Variants in DTWD2 observed in about 807,000 individuals in gnomAD.
The protein encoded by DTWD2 is DTW motif tRNA-uridine aminocarboxypropyltransferase 2.
DTWD2 carries 39 observed loss-of-function variants against 31.8 expected under a neutral mutation model. That is an observed-to-expected ratio of 1.22 (90% CI 0.95 to 1.60). The LOEUF is 1.60. DTWD2 is among the 40% of genes most tolerant of loss of function. DTWD2 has a pLI of 0.00. For synonymous variants in DTWD2, 180 were observed against 142.8 expected (o/e 1.26, Z -1.86); for missense variants, 515 against 381.5 (o/e 1.35, Z -2.92).
chr5:118,981,539 C>T (rs2149604085), intron 1 of DTWD2, among the ~76,000 whole-genome samples: 1 of 127,332 alleles, frequency 7.9e-6, no homozygotes, highest in Admixed American at 9.1e-5. Context: ...AAACAATAAA[C>T]TCAGCAGAAA....
intron 1 of DTWD2, among the ~76,000 whole-genome samples, chr5:118,960,858 G>A (rs1214274495): frequency 6.6e-6 from 1 of 152,118 alleles, no homozygotes; most frequent in African/African-American, 2.4e-5. Flanking sequence ...TCACTTATCA[G>A]TGGGAGCTAA....
At chr5:118,859,689 G>A (rs947660825) in intron 4 of DTWD2, among the ~76,000 whole-genome samples, 1 of 152,104 alleles carries the variant, frequency 6.6e-6, no homozygotes, top group African/African-American at 2.4e-5. Flanking sequence ...TAGTCAAATT[G>A]TGTAATAAGA....
intron 1 of DTWD2, among the ~76,000 whole-genome samples, chr5:118,961,924 A>G (rs1470692377): frequency 3.3e-5 from 5 of 152,186 alleles, no homozygotes; most frequent in African/African-American, 1.2e-4. Flanking sequence ...TGCTATGAAT[A>G]AGCCATTGAT....
At chr5:118,949,852 A>C (rs1056926693) in intron 1 of DTWD2, among the ~76,000 whole-genome samples, 1 of 152,160 alleles carries the variant, frequency 6.6e-6, no homozygotes, top group African/African-American at 2.4e-5. Context: ...AAGTTAGTTA[A>C]AATGCCTAGA....
intron 1 of DTWD2, among the ~76,000 whole-genome samples, chr5:118,964,834 G>A (rs1338756188): frequency 6.6e-6 from 1 of 152,262 alleles, no homozygotes; most frequent in African/African-American, 2.4e-5. Context: ...CCAAAGTGCC[G>A]AGATTGCAGC....
intron 4 of DTWD2, among the ~76,000 whole-genome samples, chr5:118,880,917 T>G (rs1372117077): frequency 1.3e-5 from 2 of 152,200 alleles, no homozygotes; most frequent in African/African-American, 4.8e-5. Flanking sequence ...TGGAACTCGC[T>G]GAAAACCACT....
chr5:118,896,533 C>A (rs1018071212), intron 4 of DTWD2, among the ~76,000 whole-genome samples: 1 of 150,664 alleles, frequency 6.6e-6, no homozygotes, highest in Non-Finnish European at 1.5e-5. Flanking sequence ...GTTAATAAAA[C>A]CAGAGAAGGT....
intron 5 of DTWD2, among the ~76,000 whole-genome samples, chr5:118,844,898 C>T (rs200490272): frequency 3.3e-5 from 5 of 152,062 alleles, no homozygotes; most frequent in South Asian, 2.1e-4. Flanking sequence ...TTTTGGCAGG[C>T]GAAGGCAGGT....
intron 4 of DTWD2, among the ~76,000 whole-genome samples, chr5:118,861,984 C>T (rs1341153086): frequency 2.0e-5 from 3 of 152,190 alleles, no homozygotes; most frequent in African/African-American, 7.2e-5. Flanking sequence ...AGCCCCCAGG[C>T]CATGGACCGG....
Position 118,963,975 on chromosome 5 carries a change from C to A in DTWD2, c.219-19326G>T, listed in dbSNP as rs145828386. On this transcript the variant is annotated intron_variant, in intron 1 of 5. Transcript: ENST00000510708. Reference sequence around the variant, plus strand: ...CTGTAATCCCAGTACTTTGGGAGGCCGAGGCGTGTGGACCACTTGAGGTCA... The same window carrying A: ...CTGTAATCCCAGTACTTTGGGAGGCAGAGGCGTGTGGACCACTTGAGGTCA... Among the ~76,000 whole-genome samples the A allele has an allele frequency of 5.0e-3, 755 of 152,150 alleles. 7 individuals carry two copies. The highest frequency in any genetic ancestry group is 0.017 in the African/African-American group (723 of 41,516).
chr5:118,955,641 T>C (rs1326934445), intron 1 of DTWD2, among the ~76,000 whole-genome samples: 7 of 152,132 alleles, frequency 4.6e-5, no homozygotes, highest in Non-Finnish European at 1.0e-4. Context: ...AAATAATTTT[T>C]TAAAAGTTCC....
intron 2 of DTWD2, among the ~76,000 whole-genome samples, chr5:118,943,508 G>A (rs539046179): frequency 9.0e-4 from 133 of 147,320 alleles, no homozygotes; most frequent in African/African-American, 3.0e-3. Flanking sequence ...CTGAGATCGC[G>A]CCACTGCACT....
chr5:118,886,448 G>A (rs1431564283), intron 4 of DTWD2, among the ~76,000 whole-genome samples: 1 of 152,160 alleles, frequency 6.6e-6, no homozygotes, highest in Non-Finnish European at 1.5e-5. Context: ...CCTTATAATA[G>A]CATAACAAGG....
At chr5:118,984,294 A>G (rs1755372002) in intron 1 of DTWD2, among the ~76,000 whole-genome samples, 1 of 151,790 alleles carries the variant, frequency 6.6e-6, no homozygotes, top group South Asian at 2.1e-4. Context: ...CCATCTCAAA[A>G]AAAAAAAAAT....
chr5:118,872,802 T>G (rs541772344), intron 4 of DTWD2, among the ~76,000 whole-genome samples: 8 of 151,842 alleles, frequency 5.3e-5, no homozygotes, highest in African/African-American at 1.7e-4. Context: ...CGAAGCAGAG[T>G]TGCTACAAAT....
intron 1 of DTWD2, among the ~76,000 whole-genome samples, chr5:118,963,115 G>T (rs1469234633): frequency 6.6e-6 from 1 of 152,206 alleles, no homozygotes; most frequent in Non-Finnish European, 1.5e-5. Context: ...TGGCTAAAAA[G>T]TAATTAAGGA....
At chr5:118,871,316 T>C (rs961544295) in intron 4 of DTWD2, among the ~76,000 whole-genome samples, 6 of 152,240 alleles carry the variant, frequency 3.9e-5, no homozygotes, top group Non-Finnish European at 7.3e-5. Flanking sequence ...AAACTCCTGT[T>C]ATTATTTTGA....
intron 4 of DTWD2, among the ~76,000 whole-genome samples, chr5:118,901,055 T>C (rs1206185626): frequency 6.6e-6 from 1 of 151,908 alleles, no homozygotes; most frequent in African/African-American, 2.4e-5. Context: ...ATATATTTTA[T>C]ATTCTGCAAA....
chr5:118,891,077 A>ATACGTACATATTTATACAACAAC (rs1752968725), intron 4 of DTWD2, among the ~76,000 whole-genome samples: 1 of 152,184 alleles, frequency 6.6e-6, no homozygotes, highest in South Asian at 2.1e-4. Flanking sequence ...TTCATTAGTA[A>ATACGTACATATTTATACAACAAC]TTTCCAGATG....
Sources: allele counts gnomAD v4.1 joint callset (sites outside exome capture counted in the v4.1 genomes callset), GRCh38; gene constraint gnomAD v4.1.1; transcripts MANE v1.5; gene names NCBI Gene and HGNC (gene_info 2026-07-23, HGNC 2026-07-21).